RSRC1: variants seen among roughly 807,000 people sequenced by gnomAD.
RSRC1 encodes serine/Arginine-related protein 53.
A neutral mutation model predicts 49.1 loss-of-function variants in RSRC1; 39 were observed. The observed-to-expected ratio is 0.79, with a 90% CI of 0.61 to 1.04. The LOEUF (loss-of-function observed/expected upper bound fraction) is 1.04. RSRC1 is among the 50% of genes least tolerant of loss of function. The pLI, the probability that RSRC1 is intolerant of heterozygous loss-of-function variation, is 0.00. For missense variants in RSRC1, 388 were observed against 402.4 expected (o/e 0.96, Z 0.31); for synonymous variants, 143 against 130.8 (o/e 1.09, Z -0.63).
intron 6 of RSRC1, among the ~76,000 whole-genome samples, chr3:158,421,634 C>A (rs1457145025): frequency 3.3e-5 from 5 of 151,588 alleles, no homozygotes; most frequent in African/African-American, 1.2e-4. Context: ...AAAAAATGGG[C>A]ACCCAGAGAA....
At chr3:158,374,753 A>G (rs1415403547) in intron 6 of RSRC1, among the ~76,000 whole-genome samples, 1 of 35,600 alleles carries the variant, frequency 2.8e-5, no homozygotes, top group East Asian at 4.9e-4. Context: ...ATAAAAGGTC[A>G]TTTTGAATTT....
At chr3:158,362,342 A>T (rs909251600) in intron 6 of RSRC1, among the ~76,000 whole-genome samples, 3 of 152,106 alleles carry the variant, frequency 2.0e-5, no homozygotes, top group African/African-American at 7.2e-5. Flanking sequence ...CCCTGTCTCA[A>T]AAAAAATAGA....
At chr3:158,337,889 T>A (rs1730008467) in intron 5 of RSRC1, among the ~76,000 whole-genome samples, 1 of 152,238 alleles carries the variant, frequency 6.6e-6, no homozygotes, top group Non-Finnish European at 1.5e-5. Flanking sequence ...CATTTTATGA[T>A]GATTACATGG....
intron 6 of RSRC1, among the ~76,000 whole-genome samples, chr3:158,355,152 GTT>G (rs1731090279): frequency 6.6e-6 from 1 of 151,804 alleles, no homozygotes; most frequent in African/African-American, 2.4e-5. Context: ...TTCAGTTTTA[GTT>G]TTTTATTTTG....
chr3:158,518,116 GTGTGTGTGTGTA>G (rs1343539771), intron 7 of RSRC1, among the ~76,000 whole-genome samples: 6 of 80,394 alleles, frequency 7.5e-5, no homozygotes, highest in African/African-American at 2.7e-4. Context: ...GTGTGTGTGT[GTGTGTGTGTGTA>G]TATATATATA....
At chr3:158,362,958 ATT>A (rs1731559414) in intron 6 of RSRC1, among the ~76,000 whole-genome samples, 1 of 152,196 alleles carries the variant, frequency 6.6e-6, no homozygotes, top group African/African-American at 2.4e-5. Context: ...TTAAAATTAT[ATT>A]TCTAATGTTA....
Position 158,472,967 on chromosome 3 carries a change from T to C in RSRC1, c.652+11964T>C, listed in dbSNP as rs113519432. Among the ~76,000 whole-genome samples, 1,100 of 152,192 alleles carry C rather than the reference T, an allele frequency of 7.2e-3. 14 individuals carry two copies. Among genetic ancestry groups the C allele is most frequent in the African/African-American group, 0.026 (1,068 of 41,548 alleles). On this transcript the variant is annotated intron_variant, in intron 7 of 9. Transcript: ENST00000611884. ...TGCAAATCAAAACCACAATGAGATATCATCTCACACCAGTTAGAATGGCGA... is the reference window on the plus strand; with the variant it reads ...TGCAAATCAAAACCACAATGAGATACCATCTCACACCAGTTAGAATGGCGA...
At chr3:158,297,798 T>G (rs1281173870) in intron 4 of RSRC1, among the ~76,000 whole-genome samples, 1 of 152,020 alleles carries the variant, frequency 6.6e-6, no homozygotes. Context: ...GTTCTTTACA[T>G]TTTTCATTGA....
At chr3:158,138,436 G>A (rs917337664) in intron 3 of RSRC1, among the ~76,000 whole-genome samples, 5 of 152,182 alleles carry the variant, frequency 3.3e-5, no homozygotes, top group East Asian at 1.9e-4. Flanking sequence ...TTTATGCAGC[G>A]TGACGGAAAG....
At chr3:158,134,135 G>T (rs1465179468) in intron 3 of RSRC1, among the ~76,000 whole-genome samples, 2 of 152,160 alleles carry the variant, frequency 1.3e-5, no homozygotes, top group Non-Finnish European at 2.9e-5. Flanking sequence ...GCTGAGTGAA[G>T]ATTAGGATAG....
intron 3 of RSRC1, among the ~76,000 whole-genome samples, chr3:158,132,815 T>C (rs1362565627): frequency 6.6e-6 from 1 of 152,236 alleles, no homozygotes; most frequent in Admixed American, 6.5e-5. Flanking sequence ...TCAGAATTCA[T>C]TTATTTGTAA....
intron 7 of RSRC1, among the ~76,000 whole-genome samples, chr3:158,497,826 G>A (rs1739418240): frequency 6.6e-6 from 1 of 152,126 alleles, no homozygotes; most frequent in African/African-American, 2.4e-5. Context: ...TTCCTGAGTT[G>A]CTTCACTTAG....
At chr3:158,254,126 T>C (rs1724393830) in intron 4 of RSRC1, among the ~76,000 whole-genome samples, 1 of 152,194 alleles carries the variant, frequency 6.6e-6, no homozygotes, top group African/African-American at 2.4e-5. Context: ...TAGTATTCCA[T>C]GGTGTATATG....
intron 3 of RSRC1, among the ~76,000 whole-genome samples, chr3:158,167,107 T>A (rs1718582036): frequency 6.6e-6 from 1 of 152,204 alleles, no homozygotes; most frequent in Admixed American, 6.5e-5. Context: ...CCTTTGAGGC[T>A]GTAAATTGGA....
chr3:158,521,326 C>A (rs1472205794), intron 7 of RSRC1, among the ~76,000 whole-genome samples: 3 of 152,044 alleles, frequency 2.0e-5, no homozygotes, highest in African/African-American at 7.2e-5. Context: ...TCTCTTTACT[C>A]TCCTTCCTTC....
intron 6 of RSRC1, among the ~76,000 whole-genome samples, chr3:158,356,013 C>G (rs1002015353): frequency 8.6e-5 from 13 of 151,638 alleles, no homozygotes; most frequent in Non-Finnish European, 7.4e-5. Context: ...TAAAATGGAA[C>G]AATTATAATA....
At chr3:158,398,051 A>G (rs1182750443) in intron 6 of RSRC1, among the ~76,000 whole-genome samples, 1 of 152,020 alleles carries the variant, frequency 6.6e-6, no homozygotes, top group Non-Finnish European at 1.5e-5. Flanking sequence ...AAGGCTTGGT[A>G]GGGAGTGTTA....
intron 4 of RSRC1, among the ~76,000 whole-genome samples, chr3:158,297,454 A>G (rs530825045): frequency 5.9e-5 from 9 of 152,114 alleles, no homozygotes; most frequent in African/African-American, 2.2e-4. Flanking sequence ...TGATATTAAA[A>G]TGATCATAGG....
intron 1 of RSRC1, among the ~76,000 whole-genome samples, chr3:158,115,062 C>G (rs1714706789): frequency 6.6e-6 from 1 of 152,006 alleles, no homozygotes; most frequent in African/African-American, 2.4e-5. Context: ...GAGAGGACAT[C>G]CTTGTCTTGT....
Sources: allele counts gnomAD v4.1 joint callset (sites outside exome capture counted in the v4.1 genomes callset), GRCh38; gene constraint gnomAD v4.1.1; transcripts MANE v1.5; gene names NCBI Gene and HGNC (gene_info 2026-07-23, HGNC 2026-07-21).